TNFAIP8: variants seen among roughly 807,000 people sequenced by gnomAD.
TNFAIP8 encodes the protein TNF alpha induced protein 8.
In TNFAIP8, 7 loss-of-function variants were observed where a neutral mutation model predicts 13.3. The ratio of observed to expected loss-of-function variants is 0.52; its 90% CI spans 0.30 to 0.99. TNFAIP8 has a LOEUF of 0.99. Among genes scored for constraint, TNFAIP8 ranks in the 50% least tolerant of loss-of-function variants. TNFAIP8 has a pLI of 0.07. For missense variants in TNFAIP8, 258 were observed against 236.9 expected (o/e 1.09, Z -0.58); for synonymous variants, 94 against 87.6 (o/e 1.07, Z -0.41).
intron 1 of TNFAIP8, among the ~76,000 whole-genome samples, chr5:119,358,498 A>C (rs992230024): frequency 2.6e-5 from 4 of 152,218 alleles, no homozygotes; most frequent in African/African-American, 9.6e-5. Flanking sequence ...TTGGGTATTA[A>C]ACAGAGAAAA....
At chr5:119,377,417 TAAAA>T (rs1403197122) in intron 1 of TNFAIP8, among the ~76,000 whole-genome samples, 15 of 150,090 alleles carry the variant, frequency 1.0e-4, no homozygotes, top group Non-Finnish European at 1.6e-4. Flanking sequence ...AAAAAAAAAA[TAAAA>T]AATAAAAATT....
intron 1 of TNFAIP8, among the ~76,000 whole-genome samples, chr5:119,338,055 A>G (rs372169753): frequency 1.7e-3 from 251 of 151,966 alleles, no homozygotes; most frequent in African/African-American, 5.8e-3. Context: ...CCCCTTCACC[A>G]CATGTGCCCC....
At chr5:119,336,414 T>A in intron 1 of TNFAIP8, among the ~76,000 whole-genome samples, 1 of 152,194 alleles carries the variant, frequency 6.6e-6, no homozygotes, top group East Asian at 1.9e-4. Context: ...AAAAGTGCTG[T>A]GGGCTCCTCC....
chr5:119,305,713 A>C (rs949153480), intron 1 of TNFAIP8, among the ~76,000 whole-genome samples: 1 of 152,228 alleles, frequency 6.6e-6, no homozygotes, highest in African/African-American at 2.4e-5. Flanking sequence ...ACCTCGCTTT[A>C]TAAATGACAC....
At chr5:119,376,878 C>A (rs1216215165) in intron 1 of TNFAIP8, among the ~76,000 whole-genome samples, 2 of 152,170 alleles carry the variant, frequency 1.3e-5, no homozygotes, top group Non-Finnish European at 1.5e-5. Flanking sequence ...CATGCCTCTG[C>A]TCAAATGTCG....
At chr5:119,330,482 G>A (rs796644637) in intron 1 of TNFAIP8, among the ~76,000 whole-genome samples, 14 of 152,304 alleles carry the variant, frequency 9.2e-5, no homozygotes, top group African/African-American at 3.1e-4. Context: ...CTAGGCCAGC[G>A]AGAGCATGTG....
intron 1 of TNFAIP8, among the ~76,000 whole-genome samples, chr5:119,298,060 A>C (rs965087153): frequency 3.3e-5 from 5 of 152,194 alleles, no homozygotes; most frequent in African/African-American, 9.7e-5. Context: ...CTCTTTATCC[A>C]ATTTGCCAGT....
chr5:119,390,664 A>T (rs1052089451), intron 1 of TNFAIP8, among the ~76,000 whole-genome samples: 1 of 152,180 alleles, frequency 6.6e-6, no homozygotes, highest in African/African-American at 2.4e-5. Context: ...TTCTTATTCA[A>T]TCAAGACATT....
intron 1 of TNFAIP8, among the ~76,000 whole-genome samples, chr5:119,317,365 C>A (rs906396074): frequency 6.6e-6 from 1 of 151,872 alleles, no homozygotes. Context: ...CAGAATGAAC[C>A]ATTTGAAAGT....
intron 1 of TNFAIP8, among the ~76,000 whole-genome samples, chr5:119,270,093 G>C (rs897878972): frequency 6.6e-6 from 1 of 152,214 alleles, no homozygotes; most frequent in Non-Finnish European, 1.5e-5. Flanking sequence ...TATTCTTCGA[G>C]GGTAAGGATA....
Position 119,392,999 on chromosome 5 carries a change from T to C in TNFAIP8, c.215T>C (p.Ile72Thr). The C allele has an allele frequency of 6.2e-7, 1 of 1,612,998 alleles. No individual in the cohort carries two copies. The highest frequency in any genetic ancestry group is 8.5e-7 in the Non-Finnish European group (1 of 1,179,466). Residue 72 changes from isoleucine to threonine, a missense_variant, in exon 2 of 2, where the codon ATC becomes ACC. Ile to Thr is a moderately conservative substitution (Grantham distance 89, BLOSUM62 -1). Coordinates refer to ENST00000504771, the MANE Select transcript of TNFAIP8 (RefSeq NM_014350.4). ...AACAAGAAGGAGGCAGAGAAGATCA[T>C]CAAGAACCTCATCAAGACAGTCATC... Reference protein sequence around the residue: ...TQNKKEAEKIIKNLIKTVIKL... With the variant: ...TQNKKEAEKITKNLIKTVIKL...
intron 1 of TNFAIP8, among the ~76,000 whole-genome samples, chr5:119,357,599 C>T (rs1032974176): frequency 1.2e-4 from 18 of 151,868 alleles, no homozygotes; most frequent in Non-Finnish European, 2.9e-5. Context: ...CCCATAGCAA[C>T]ATCCACAGTC....
At chr5:119,268,987 G>A in intron 1 of TNFAIP8, 1 of 636,420 alleles carries the variant, frequency 1.6e-6, no homozygotes, top group Non-Finnish European at 2.8e-6. Context: ...CTGCTCTCGG[G>A]GAGCGCCTCC....
At chr5:119,346,104 T>C (rs1040140329) in intron 1 of TNFAIP8, among the ~76,000 whole-genome samples, 4 of 152,182 alleles carry the variant, frequency 2.6e-5, no homozygotes, top group Non-Finnish European at 4.4e-5. Flanking sequence ...CTGTGGCTCC[T>C]GGGCTGGCAG....
exon 1 of TNFAIP8, chr5:119,268,818 C>G (rs888219186): frequency 1.1e-5 from 8 of 700,248 alleles, no homozygotes; most frequent in African/African-American, 3.5e-5. Flanking sequence ...CGCGGGAACC[C>G]GTGAGCCACC....
intron 1 of TNFAIP8, among the ~76,000 whole-genome samples, chr5:119,314,234 A>G (rs940005966): frequency 1.3e-5 from 2 of 152,228 alleles, no homozygotes; most frequent in Non-Finnish European, 2.9e-5. Flanking sequence ...TGTTTTGTTC[A>G]TTTGTGAATC....
At chr5:119,316,925 C>T (rs1385447199) in intron 1 of TNFAIP8, among the ~76,000 whole-genome samples, 5 of 152,030 alleles carry the variant, frequency 3.3e-5, no homozygotes, top group African/African-American at 1.2e-4. Context: ...CACAATGCAC[C>T]CAAAAGCTCC....
chr5:119,388,584 C>G (rs919101997), intron 1 of TNFAIP8, among the ~76,000 whole-genome samples: 1 of 152,110 alleles, frequency 6.6e-6, no homozygotes, highest in Non-Finnish European at 1.5e-5. Context: ...ATTTAAGGAA[C>G]AAGGAGGTGT....
At position 119,364,637 on chromosome 5, in the gene TNFAIP8, C is replaced by T. The variant is rs1408995104; in HGVS notation, c.31+8516C>T. On this transcript the variant is annotated intron_variant, in intron 1 of 1. Coordinates refer to ENST00000504771, the MANE Select transcript of TNFAIP8 (RefSeq NM_014350.4). ...TGCTAGAATCACAGGGATGAGCCAC[C>T]GCGCCCAGTTATCACTCTTATCATT... Among the ~76,000 whole-genome samples, 4 of 152,178 alleles carry T rather than the reference C, an allele frequency of 2.6e-5. 1 individual carries two copies. The highest frequency in any genetic ancestry group is 1.9e-4 in the East Asian group (1 of 5,186).
Sources: gnomAD v4.1 joint callset for allele counts (sites outside exome capture counted in the v4.1 genomes callset) on GRCh38, gnomAD v4.1.1 for gene constraint, MANE v1.5 for transcripts, NCBI Gene and HGNC (gene_info 2026-07-23, HGNC 2026-07-21) for gene names.